The following CCDC91 variants were observed in gnomAD, a reference collection of about 807,000 sequenced individuals.
CCDC91 encodes the protein coiled-coil domain-containing protein 91.
CCDC91 carries 48 observed loss-of-function variants against 63.2 expected under a neutral mutation model. The ratio of observed to expected loss-of-function variants is 0.76; its 90% CI spans 0.60 to 0.97. The LOEUF (loss-of-function observed/expected upper bound fraction) is 0.97, where lower values mean the gene tolerates loss of function less well. Among genes scored for constraint, CCDC91 ranks in the 50% least tolerant of loss-of-function variants. CCDC91 has a pLI of 0.00. For missense variants in CCDC91, 500 were observed against 494.6 expected (o/e 1.01, Z -0.10); for synonymous variants, 167 against 165.8 (o/e 1.01, Z -0.06).
chr12:28,258,962 C>T (rs1471888112), intron 2 of CCDC91, among the ~76,000 whole-genome samples: 1 of 151,870 alleles, frequency 6.6e-6, no homozygotes, highest in Non-Finnish European at 1.5e-5. Flanking sequence ...CTAATTGGGT[C>T]TTGTGCTAAT....
chr12:28,546,857 A>G (rs568726861), intron 12 of CCDC91, among the ~76,000 whole-genome samples: 10 of 152,234 alleles, frequency 6.6e-5, no homozygotes, highest in African/African-American at 2.2e-4. Context: ...CAATATGCAG[A>G]TGTGACAGAT....
At chr12:28,239,860 A>G (rs994005892) in intron 1 of CCDC91, among the ~76,000 whole-genome samples, 1 of 152,168 alleles carries the variant, frequency 6.6e-6, no homozygotes, top group Admixed American at 6.5e-5. Flanking sequence ...GATAAAATGA[A>G]AACAGTGTGG....
chr12:28,374,288 A>C (rs116606992), intron 7 of CCDC91, among the ~76,000 whole-genome samples: 1 of 152,114 alleles, frequency 6.6e-6, no homozygotes, highest in Non-Finnish European at 1.5e-5. Context: ...TTCTCAGTGC[A>C]TTGACAAAAG....
At chr12:28,213,347 G>A (rs1477903757) in intron 1 of CCDC91, among the ~76,000 whole-genome samples, 1 of 152,148 alleles carries the variant, frequency 6.6e-6, no homozygotes, top group Admixed American at 6.5e-5. Context: ...GACCCATGAA[G>A]ACATGTACTA....
Position 28,278,520 on chromosome 12 carries a change from C to T in CCDC91, c.109+19078C>T, listed in dbSNP as rs1260435035. Among the ~76,000 whole-genome samples, 7 of 152,000 alleles carry T rather than the reference C, an allele frequency of 4.6e-5. No individual in the cohort carries two copies. In the South Asian group the frequency reaches 1.2e-3, roughly 27 times the overall value. On this transcript the variant is annotated intron_variant, in intron 3 of 12. Transcript: ENST00000536442. Reference sequence around the variant, plus strand: ...CCACACTTGAACTCTTATTTCTTTTCGCACTTAATAAAATCACTGTTCATC... The same window carrying T: ...CCACACTTGAACTCTTATTTCTTTTTGCACTTAATAAAATCACTGTTCATC...
chr12:28,442,524 C>T (rs190445214), intron 8 of CCDC91, among the ~76,000 whole-genome samples: 28 of 152,162 alleles, frequency 1.8e-4, no homozygotes, highest in Non-Finnish European at 3.7e-4. Context: ...TAAAACTGTT[C>T]TAGATTTTTA....
chr12:28,509,711 C>T (rs1565496678), intron 12 of CCDC91, among the ~76,000 whole-genome samples: 1 of 151,722 alleles, frequency 6.6e-6, no homozygotes, highest in Non-Finnish European at 1.5e-5. Flanking sequence ...AGGTACTATT[C>T]GAATGAAAAT....
At chr12:28,316,768 TA>T (rs962188456) in intron 6 of CCDC91, among the ~76,000 whole-genome samples, 15 of 151,542 alleles carry the variant, frequency 9.9e-5, no homozygotes, top group African/African-American at 2.7e-4. Flanking sequence ...TTTTGTCTGA[TA>T]AAAAAAATAT....
chr12:28,192,458 C>T (rs1184580543), intron 1 of CCDC91, among the ~76,000 whole-genome samples: 2 of 152,104 alleles, frequency 1.3e-5, no homozygotes, highest in African/African-American at 4.8e-5. Context: ...TACAGCACTC[C>T]TTTGTCAACC....
intron 6 of CCDC91, among the ~76,000 whole-genome samples, chr12:28,339,274 A>G (rs1181520667): frequency 6.6e-6 from 1 of 152,180 alleles, no homozygotes; most frequent in African/African-American, 2.4e-5. Flanking sequence ...TGACATAGGA[A>G]ATCTGAGGGA....
intron 8 of CCDC91, among the ~76,000 whole-genome samples, chr12:28,428,342 G>A (rs1219951995): frequency 6.6e-6 from 1 of 151,810 alleles, no homozygotes; most frequent in Non-Finnish European, 1.5e-5. Flanking sequence ...AGGCCGAGGC[G>A]GGCAGACCAC....
At chr12:28,231,653 A>T (rs1393187830) in intron 1 of CCDC91, among the ~76,000 whole-genome samples, 2 of 146,732 alleles carry the variant, frequency 1.4e-5, no homozygotes, top group Non-Finnish European at 2.9e-5. Flanking sequence ...GAAGATGCAC[A>T]TGTTTTTACC....
intron 1 of CCDC91, among the ~76,000 whole-genome samples, chr12:28,195,735 A>G (rs1197126824): frequency 3.3e-5 from 5 of 152,202 alleles, no homozygotes; most frequent in Non-Finnish European, 5.9e-5. Context: ...AATTTTTAGT[A>G]TGATTGCATT....
chr12:28,411,515 C>G (rs74985413), intron 8 of CCDC91, among the ~76,000 whole-genome samples: 3 of 152,128 alleles, frequency 2.0e-5, no homozygotes, highest in East Asian at 3.9e-4. Flanking sequence ...ACAAATAGAG[C>G]TAACTCTTGA....
At position 28,479,467 on chromosome 12, in the gene CCDC91, G is replaced by C. The variant is rs190963246; in HGVS notation, c.1102-4585G>C. On this transcript the variant is annotated intron_variant, in intron 11 of 12. Coordinates refer to ENST00000536442, the MANE Select transcript of CCDC91 (RefSeq NM_018318.5). Reference sequence around the variant, plus strand: ...CATCACACACTGGGGCCTGTTGTGGGGTAGGGGGAAGGGGGAAGGATAGCA... The same window carrying C: ...CATCACACACTGGGGCCTGTTGTGGCGTAGGGGGAAGGGGGAAGGATAGCA... 2.3e-3 allele frequency among the ~76,000 whole-genome samples: 356 copies of C among 152,134 alleles called. 2 individuals are homozygous for C. Among genetic ancestry groups the C allele is most frequent in the South Asian group, 7.9e-3 (38 of 4,818 alleles).
intron 12 of CCDC91, among the ~76,000 whole-genome samples, chr12:28,529,641 G>A (rs551585054): frequency 3.3e-5 from 5 of 152,284 alleles, no homozygotes; most frequent in South Asian, 2.1e-4. Context: ...TGGGGAACAG[G>A]AATGTATGTG....
intron 11 of CCDC91, among the ~76,000 whole-genome samples, chr12:28,459,811 A>G (rs1417485527): frequency 7.9e-5 from 12 of 152,164 alleles, no homozygotes; most frequent in African/African-American, 2.9e-4. Context: ...ATTACATTCA[A>G]CTATACCATT....
intron 8 of CCDC91, among the ~76,000 whole-genome samples, chr12:28,435,874 A>T (rs1298865137): frequency 6.6e-6 from 1 of 151,640 alleles, no homozygotes; most frequent in Non-Finnish European, 1.5e-5. Flanking sequence ...TTTATCCCTG[A>T]TAATTTATTT....
chr12:28,442,857 T>C (rs568482322), intron 8 of CCDC91, among the ~76,000 whole-genome samples: 27 of 152,230 alleles, frequency 1.8e-4, no homozygotes, highest in South Asian at 1.4e-3. Context: ...TTTGTTTGTT[T>C]GTTTTCATGA....
Sources: allele counts gnomAD v4.1 joint callset (sites outside exome capture counted in the v4.1 genomes callset), GRCh38; gene constraint gnomAD v4.1.1; transcripts MANE v1.5; gene names NCBI Gene and HGNC (gene_info 2026-07-23, HGNC 2026-07-21).